Variants in GPAT4 observed in about 807,000 individuals in gnomAD.
GPAT4 encodes glycerol-3-phosphate acyltransferase 4.
Under a neutral mutation model 58.0 loss-of-function variants are expected in GPAT4, and 17 were observed. The ratio of observed to expected loss-of-function variants is 0.29; its 90% CI spans 0.20 to 0.44. The LOEUF (loss-of-function observed/expected upper bound fraction) is 0.44. GPAT4 is among the 20% of genes least tolerant of loss of function. The pLI is 1.00. For synonymous variants in GPAT4, 204 were observed against 210.1 expected (o/e 0.97, Z 0.25); for missense variants, 377 against 574.5 (o/e 0.66, Z 3.51).
intron 1 of GPAT4, among the ~76,000 whole-genome samples, chr8:41,581,990 A>G (rs1802524610): frequency 8.8e-6 from 1 of 113,874 alleles, no homozygotes; most frequent in Non-Finnish European, 1.7e-5. Flanking sequence ...GGGAAGTTCA[A>G]TGATTTTTTT....
intron 8 of GPAT4, among the ~76,000 whole-genome samples, chr8:41,613,441 A>G (rs1803501861): frequency 6.6e-6 from 1 of 152,094 alleles, no homozygotes; most frequent in African/African-American, 2.4e-5. Flanking sequence ...ATGTTTCTTA[A>G]CCTTTTTTTA....
chr8:41,594,656 C>T (rs1219666497), intron 1 of GPAT4, among the ~76,000 whole-genome samples: 1 of 151,482 alleles, frequency 6.6e-6, no homozygotes, highest in Non-Finnish European at 1.5e-5. Context: ...CGCCATTCTC[C>T]TGCCTCAGCC....
intron 5 of GPAT4, among the ~76,000 whole-genome samples, chr8:41,611,481 A>G (rs1457998750): frequency 6.6e-6 from 1 of 152,224 alleles, no homozygotes; most frequent in East Asian, 1.9e-4. Context: ...ATGGTTTGAA[A>G]TGTAGGGAGG....
intron 7 of GPAT4, 42 bp downstream of exon 7, chr8:41,612,315 G>T: frequency 6.2e-7 from 1 of 1,602,522 alleles, no homozygotes; most frequent in Non-Finnish European, 8.5e-7. Context: ...AAGACTTCCT[G>T]CTTTAGAGTG....
intron 1 of GPAT4, among the ~76,000 whole-genome samples, chr8:41,582,780 AC>A (rs1802558411): frequency 6.6e-6 from 1 of 152,144 alleles, no homozygotes; most frequent in Admixed American, 6.5e-5. Flanking sequence ...CAGTAATTTT[AC>A]GTATTTATAG....
intron 10 of GPAT4, among the ~76,000 whole-genome samples, chr8:41,617,191 G>A (rs1465945435): frequency 6.6e-6 from 1 of 152,042 alleles, no homozygotes; most frequent in Admixed American, 6.6e-5. Context: ...GTGAAACCCC[G>A]TCTCTACTAA....
In GPAT4 at chr8:41,591,358, A is replaced by G. The variant is rs537745009; in HGVS notation, c.-848-6934A>G. Among the ~76,000 whole-genome samples, 3 of 152,310 alleles carry G rather than the reference A, an allele frequency of 2.0e-5. No individual in the cohort carries two copies. In the East Asian group the frequency reaches 5.8e-4, roughly 29 times the overall value. On this transcript the variant is annotated intron_variant, in intron 1 of 12. Coordinates refer to ENST00000396987, the MANE Select transcript of GPAT4 (RefSeq NM_178819.4). ...TATACTTCTTTCTTTAGAGGCAGAA[A>G]TTGGGCATAAGACAGTATGAAGGGT...
In GPAT4 at chr8:41,621,123, A is replaced by G. The variant is rs1803737316; in HGVS notation, c.*122A>G. ...TCCAGGGCTCCCCGGGCTGCTCTGG[A>G]TCCCAGGACTCCGGCTTTCGCCGAG... On this transcript the variant is annotated 3_prime_UTR_variant, in exon 13 of 13. Coordinates refer to ENST00000396987, the MANE Select transcript of GPAT4 (RefSeq NM_178819.4). 1.5e-6 allele frequency: 2 copies of G among 1,369,512 alleles called. No homozygotes were observed. Among genetic ancestry groups the G allele is most frequent in the Non-Finnish European group, 2.0e-6 (2 of 1,019,298 alleles). The allele number at this position is 1,369,512 out of a possible 1,614,324, so 84.8% of individuals were successfully genotyped here.
chr8:41,584,652 C>T (rs958415860), intron 1 of GPAT4: 2 of 152,190 alleles, frequency 1.3e-5, no homozygotes, highest in African/African-American at 2.4e-5. Flanking sequence ...ATTGAGCCAT[C>T]AGAGCAGTGT....
chr8:41,610,210 C>CA lies in GPAT4; in HGVS notation c.536+256dup, dbSNP rs1249559498. 4 of 1,349,476 alleles carry CA rather than the reference C, an allele frequency of 3.0e-6. No homozygotes were observed. The African/African-American group carries it at 4.4e-5, about 15-fold the overall frequency. The allele number at this position is 1,349,476 out of a possible 1,614,324, so 83.6% of individuals were successfully genotyped here. A position where few individuals can be genotyped will look rare whatever the true frequency, so the allele number is the denominator to read the frequency against. On this transcript the variant is annotated intron_variant, in intron 4 of 12. Transcript: ENST00000396987. ...CTCTAGATGACAGCAAACACAGGGA[C>CA]AGGGAACATTGTGTGCTTTCTGCCA...
intron 1 of GPAT4, among the ~76,000 whole-genome samples, chr8:41,590,728 G>C (rs1337595149): frequency 1.3e-5 from 2 of 152,214 alleles, no homozygotes; most frequent in Admixed American, 6.5e-5. Flanking sequence ...AGGAACTAGG[G>C]TTCATGACCC....
At chr8:41,615,156 C>G in intron 10 of GPAT4, 108 bp downstream of exon 10, 1 of 990,136 alleles carries the variant, frequency 1.0e-6, no homozygotes, top group East Asian at 2.6e-5. Context: ...GTGGTCGATG[C>G]CCTCAGCAGA....
At chr8:41,585,910 TC>T (rs1802639624) in intron 1 of GPAT4, among the ~76,000 whole-genome samples, 1 of 152,268 alleles carries the variant, frequency 6.6e-6, no homozygotes, top group African/African-American at 2.4e-5. Flanking sequence ...GGTGAAGGTC[TC>T]CCTATGCAGC....
chr8:41,618,664 C>T lies in GPAT4; in HGVS notation c.1054-20C>T. 6.2e-7 allele frequency: 1 copy of T among 1,613,438 alleles called. No homozygotes were observed. Among genetic ancestry groups the T allele is most frequent in the Non-Finnish European group, 8.5e-7 (1 of 1,179,814 alleles). On this transcript the variant is annotated intron_variant, in intron 10 of 12. Coordinates refer to ENST00000396987, the MANE Select transcript of GPAT4 (RefSeq NM_178819.4). ...GTGAGAACTACTCATGTCTTACCTC[C>T]AGCTTTCCATTGTTTTCAGTATGAC...
chr8:41,619,138 C>T, intron 12 of GPAT4, 161 bp downstream of exon 12: 1 of 808,740 alleles, frequency 1.2e-6, no homozygotes, highest in Non-Finnish European at 1.9e-6. Flanking sequence ...GTGCCCTGTG[C>T]TTCCTTGACC....
In GPAT4 at chr8:41,611,972, C is replaced by T; in HGVS notation, c.681C>T (p.Ala227=). Residue 227 remains alanine, a synonymous_variant, in exon 6 of 13, where the codon GCC becomes GCT. Transcript: ENST00000396987. ...GGATCTGCGTGCGAGCGCTGACAGC[C>T]ATCATCACCTACCATGACAGGTGAG... is the stretch of plus-strand genomic sequence containing the variant. ...CYRICVRALT[A]IITYHDRENR... 1 of 1,614,174 alleles carries T rather than the reference C, an allele frequency of 6.2e-7. No homozygotes were observed. Among genetic ancestry groups the T allele is most frequent in the South Asian group, 1.1e-5 (1 of 91,074 alleles).
At chr8:41,616,004 A>G (rs1185692125) in intron 10 of GPAT4, among the ~76,000 whole-genome samples, 2 of 152,204 alleles carry the variant, frequency 1.3e-5, no homozygotes, top group Admixed American at 1.3e-4. Flanking sequence ...GGGGACTCTG[A>G]TTGACAGGCT....
intron 2 of GPAT4, among the ~76,000 whole-genome samples, chr8:41,607,714 A>G (rs995751605): frequency 6.6e-6 from 1 of 151,884 alleles, no homozygotes; most frequent in Non-Finnish European, 1.5e-5. Flanking sequence ...TATTTTTTAG[A>G]TACGGGATTT....
chr8:41,610,396 T>C, intron 4 of GPAT4: 7 of 1,239,352 alleles, frequency 5.6e-6, no homozygotes, highest in Non-Finnish European at 7.1e-6. Flanking sequence ...AGGGAAGCTG[T>C]GCTTCCACCG....
Sources: gnomAD v4.1 joint callset for allele counts (sites outside exome capture counted in the v4.1 genomes callset) on GRCh38, gnomAD v4.1.1 for gene constraint, MANE v1.5 for transcripts, NCBI Gene and HGNC (gene_info 2026-07-23, HGNC 2026-07-21) for gene names.